The following CNTNAP5 variants were observed in gnomAD, a reference collection of about 807,000 sequenced individuals.
CNTNAP5 encodes contactin-associated protein-like 5.
In CNTNAP5, 72 loss-of-function variants were observed where a neutral mutation model predicts 150.2. That is an observed-to-expected ratio of 0.48 (90% CI 0.40 to 0.58). The LOEUF is 0.58. Ranked by LOEUF, CNTNAP5 falls within the 20% of genes least tolerant of loss-of-function variation. The probability of loss-of-function intolerance (pLI) is 0.00; values close to 1 mark genes in which losing one functional copy is unlikely to be tolerated. For missense variants in CNTNAP5, 1,636 were observed against 1,626.2 expected (o/e 1.01, Z -0.10); for synonymous variants, 672 against 619.8 (o/e 1.08, Z -1.25).
At chr2:124,857,799 C>T (rs1422499046) in intron 19 of CNTNAP5, among the ~76,000 whole-genome samples, 1 of 151,990 alleles carries the variant, frequency 6.6e-6, no homozygotes, top group African/African-American at 2.4e-5. Context: ...TGTACTCCAG[C>T]CTGGGCAACA....
At chr2:124,681,988 T>A (rs1383832633) in intron 13 of CNTNAP5, among the ~76,000 whole-genome samples, 1 of 152,228 alleles carries the variant, frequency 6.6e-6, no homozygotes, top group Non-Finnish European at 1.5e-5. Flanking sequence ...TTGCTATGTG[T>A]CTTCCTCCCT....
At chr2:124,638,670 C>T (rs1006008823) in intron 12 of CNTNAP5, among the ~76,000 whole-genome samples, 3 of 152,174 alleles carry the variant, frequency 2.0e-5, no homozygotes. Flanking sequence ...CTATTGCCTT[C>T]ATCTTGTTCT....
At chr2:124,091,007 G>T (rs961511051) in intron 1 of CNTNAP5, among the ~76,000 whole-genome samples, 3 of 152,212 alleles carry the variant, frequency 2.0e-5, no homozygotes, top group Admixed American at 2.0e-4. Context: ...CAGAAGTGAA[G>T]AAATCCACCT....
intron 17 of CNTNAP5, among the ~76,000 whole-genome samples, chr2:124,775,753 C>A (rs776120933): frequency 1.3e-5 from 2 of 152,192 alleles, no homozygotes; most frequent in Non-Finnish European, 2.9e-5. Context: ...AGTCACATTT[C>A]TTTAACAGAG....
At chr2:124,784,123 C>T (rs1447095964) in intron 17 of CNTNAP5, among the ~76,000 whole-genome samples, 3 of 151,982 alleles carry the variant, frequency 2.0e-5, no homozygotes, top group Admixed American at 6.6e-5. Context: ...ACAAACTGCT[C>T]CATGTTCAAG....
chr2:124,517,840 G>T (rs751108109), intron 8 of CNTNAP5, among the ~76,000 whole-genome samples: 3 of 150,370 alleles, frequency 2.0e-5, no homozygotes, highest in Non-Finnish European at 4.4e-5. Context: ...TGGTTTTGAT[G>T]ATTGTTCCTA....
At chr2:124,354,578 A>G (rs778810270) in intron 3 of CNTNAP5, among the ~76,000 whole-genome samples, 25 of 152,184 alleles carry the variant, frequency 1.6e-4, no homozygotes, top group Non-Finnish European at 3.1e-4. Flanking sequence ...CTTTGGATTG[A>G]TGGCCACAGA....
chr2:124,605,017 A>C (rs755324699), intron 11 of CNTNAP5, among the ~76,000 whole-genome samples: 2 of 152,108 alleles, frequency 1.3e-5, no homozygotes, highest in Non-Finnish European at 2.9e-5. Flanking sequence ...TGCCTTGGGC[A>C]ATGGGGCATC....
chr2:124,903,106 C>T lies in CNTNAP5; in HGVS notation c.3655+6C>T. 1 of 1,524,604 alleles carries T rather than the reference C, an allele frequency of 6.6e-7. No homozygotes were observed. The highest frequency in any genetic ancestry group is 8.9e-7 in the Non-Finnish European group (1 of 1,124,368). 94.4% of individuals were successfully genotyped at this position (1,524,604 alleles called of 1,614,324 possible). On this transcript the variant is annotated splice_donor_region_variant and intron_variant, in intron 22 of 23. Transcript: ENST00000682447. ...CACGGTGCATTCTTCATCAGGTACA[C>T]TCAAGAGCATGCACAAGGGAGCTTC...
chr2:124,515,062 G>A (rs1418157713), intron 8 of CNTNAP5, among the ~76,000 whole-genome samples: 2 of 152,214 alleles, frequency 1.3e-5, no homozygotes, highest in Non-Finnish European at 2.9e-5. Context: ...AAAGCCAGAT[G>A]TTTTCCCTTT....
chr2:124,768,307 G>GTGTGTGTGTGTGTGTGTGTGTGTGTA (rs761983407), intron 16 of CNTNAP5, among the ~76,000 whole-genome samples: 2 of 144,618 alleles, frequency 1.4e-5, no homozygotes, highest in Admixed American at 6.9e-5. Flanking sequence ...GTGTGTGTGT[G>GTGTGTGTGTGTGTGTGTGTGTGTGTA]TGTATATGTA....
At chr2:124,248,766 C>G (rs1320366853) in intron 3 of CNTNAP5, among the ~76,000 whole-genome samples, 1 of 152,264 alleles carries the variant, frequency 6.6e-6, no homozygotes, top group African/African-American at 2.4e-5. Flanking sequence ...GACAGGGAGT[C>G]AATGTGTAGT....
intron 1 of CNTNAP5, among the ~76,000 whole-genome samples, chr2:124,187,585 T>C (rs1405801601): frequency 3.3e-5 from 5 of 152,186 alleles, no homozygotes; most frequent in Non-Finnish European, 7.3e-5. Flanking sequence ...GAGACTTACA[T>C]GGTGAGCTGT....
intron 4 of CNTNAP5, among the ~76,000 whole-genome samples, chr2:124,433,343 T>C (rs1228500773): frequency 1.3e-5 from 2 of 152,220 alleles, no homozygotes; most frequent in Non-Finnish European, 2.9e-5. Context: ...GACACTTTGT[T>C]CCGTATAAAT....
intron 19 of CNTNAP5, among the ~76,000 whole-genome samples, chr2:124,818,795 C>T (rs1048917846): frequency 6.6e-6 from 1 of 152,166 alleles, no homozygotes; most frequent in Non-Finnish European, 1.5e-5. Context: ...CATTTCTCCT[C>T]TCAAACCTGG....
intron 13 of CNTNAP5, among the ~76,000 whole-genome samples, chr2:124,658,850 G>A (rs577377366): frequency 1.2e-4 from 19 of 152,210 alleles, no homozygotes; most frequent in Non-Finnish European, 2.2e-4. Context: ...CTGCATAGGT[G>A]TTAGGCTATA....
At position 124,647,918 on chromosome 2, in the gene CNTNAP5, G is replaced by A. The variant is rs557064208; in HGVS notation, c.2037G>A (p.Val679=). 1.2e-6 allele frequency: 2 copies of A among 1,608,794 alleles called. No individual in the cohort carries two copies. Among genetic ancestry groups the A allele is most frequent in the Non-Finnish European group, 1.7e-6 (2 of 1,178,020 alleles). The change falls in exon 13 of 24, where the codon GTG becomes GTA. Residue 679 remains valine, a synonymous_variant. Transcript: ENST00000682447. The part of the protein sequence containing the change: ...IDGSEHCEQE[V]AYHCRRSRLL... ...GCTCTGAGCACTGTGAGCAGGAGGT[G>A]GCCTACCACTGCAGGAGGTCCCGCC...
At chr2:124,038,697 G>T (rs928886932) in intron 1 of CNTNAP5, among the ~76,000 whole-genome samples, 1 of 152,202 alleles carries the variant, frequency 6.6e-6, no homozygotes. Flanking sequence ...GAAGAAAATA[G>T]AATGAAGGGC....
intron 3 of CNTNAP5, among the ~76,000 whole-genome samples, chr2:124,290,772 A>G (rs139465342): frequency 1.3e-5 from 2 of 152,222 alleles, no homozygotes; most frequent in East Asian, 3.9e-4. Flanking sequence ...CATGGTCCTG[A>G]ACTTTATTGA....
Sources: gnomAD v4.1 joint callset for allele counts (sites outside exome capture counted in the v4.1 genomes callset) on GRCh38, gnomAD v4.1.1 for gene constraint, MANE v1.5 for transcripts, NCBI Gene and HGNC (gene_info 2026-07-23, HGNC 2026-07-21) for gene names.